ZSWIM6: variants seen among roughly 807,000 people sequenced by gnomAD.
The protein encoded by ZSWIM6 is zinc finger SWIM-type containing 6.
Under a neutral mutation model 113.2 loss-of-function variants are expected in ZSWIM6, and 9 were observed. The ratio of observed to expected loss-of-function variants is 0.08; its 90% confidence interval spans 0.05 to 0.14. The LOEUF is 0.14. Among genes scored for constraint, ZSWIM6 ranks in the 10% least tolerant of loss-of-function variants. ZSWIM6 has a pLI of 1.00. For synonymous variants in ZSWIM6, 611 were observed against 606.5 expected, an observed-to-expected ratio of 1.01 and a Z score of -0.11; for missense variants, 1,162 against 1,552.2, an observed-to-expected ratio of 0.75 and a Z score of 4.22.
chr5:61,454,759 T>G (rs1404709412), intron 1 of ZSWIM6, among the ~76,000 whole-genome samples: 1 of 152,016 alleles, frequency 6.6e-6, no homozygotes, highest in African/African-American at 2.4e-5. Flanking sequence ...TTTTTTTGTA[T>G]TTTTAGTAGA....
intron 1 of ZSWIM6, among the ~76,000 whole-genome samples, chr5:61,380,939 A>AG (rs1162138817): frequency 6.7e-6 from 1 of 149,434 alleles, no homozygotes; most frequent in Non-Finnish European, 1.5e-5. Context: ...TTTCTAGTAC[A>AG]GAAAAAAAAA....
In ZSWIM6 at chr5:61,538,101, G is replaced by C. The variant is rs545097719; in HGVS notation, c.2382-713G>C. Among the ~76,000 whole-genome samples, 12 of 152,152 alleles carry C rather than the reference G, an allele frequency of 7.9e-5. 1 individual carries two copies. In the South Asian group the frequency reaches 2.5e-3, roughly 32 times the overall value. ...ACCACACCCAACTGATTTATATTTTGTAGAAACAGGGTTTCGCCATGACAG... is the reference window on the plus strand; with the variant it reads ...ACCACACCCAACTGATTTATATTTTCTAGAAACAGGGTTTCGCCATGACAG... On this transcript the variant is annotated intron_variant, in intron 10 of 13. Coordinates refer to ENST00000252744, the MANE Select transcript of ZSWIM6 (RefSeq NM_020928.2).
At chr5:61,336,479 C>T (rs371382714) in intron 1 of ZSWIM6, among the ~76,000 whole-genome samples, 1 of 152,086 alleles carries the variant, frequency 6.6e-6, no homozygotes, top group Non-Finnish European at 1.5e-5. Context: ...TCAAAAGGGC[C>T]GGGCGCAGTG....
chr5:61,341,267 C>T (rs572493876), intron 1 of ZSWIM6, among the ~76,000 whole-genome samples: 1 of 152,200 alleles, frequency 6.6e-6, no homozygotes, highest in East Asian at 1.9e-4. Context: ...AGGGTGGGTT[C>T]CTGCCTTTCT....
intron 1 of ZSWIM6, among the ~76,000 whole-genome samples, chr5:61,456,425 T>C (rs998205809): frequency 4.6e-5 from 7 of 152,046 alleles, no homozygotes; most frequent in African/African-American, 1.4e-4. Flanking sequence ...CTTGTCCTCC[T>C]AATAGACCGG....
chr5:61,487,458 C>A lies in ZSWIM6; in HGVS notation c.1034-3328C>A, dbSNP rs114719484. ...AATGTCAATATTTGGATAAAGATTG[C>A]GTTGAATCTGTAGATTGCTTTGGGC... is the stretch of plus-strand genomic sequence containing the variant. On this transcript the variant is annotated intron_variant, in intron 2 of 13. Transcript: ENST00000252744. Among the ~76,000 whole-genome samples the A allele has an allele frequency of 1.9e-3, 284 of 151,984 alleles. 1 individual carries two copies. Among genetic ancestry groups the A allele is most frequent in the African/African-American group, 5.9e-3 (243 of 41,482 alleles).
chr5:61,494,492 G>A, intron 4 of ZSWIM6, 82 bp downstream of exon 4: 1 of 1,507,684 alleles, frequency 6.6e-7, no homozygotes, highest in East Asian at 2.5e-5. Flanking sequence ...CATGGTCGTA[G>A]TATTGCTGAA....
chr5:61,425,010 G>T (rs983093438), intron 1 of ZSWIM6, among the ~76,000 whole-genome samples: 1 of 152,002 alleles, frequency 6.6e-6, no homozygotes, highest in East Asian at 1.9e-4. Flanking sequence ...GAGCCACTGC[G>T]CCCGGCACTA....
chr5:61,465,663 T>G (rs966199899), intron 1 of ZSWIM6, among the ~76,000 whole-genome samples: 12 of 152,322 alleles, frequency 7.9e-5, no homozygotes, highest in Admixed American at 3.3e-4. Context: ...CTGGGAACTC[T>G]TAGTTGGGCC....
At chr5:61,356,073 T>C (rs1744901115) in intron 1 of ZSWIM6, among the ~76,000 whole-genome samples, 1 of 152,182 alleles carries the variant, frequency 6.6e-6, no homozygotes. Context: ...TCTTAAACCT[T>C]AGTTTCAAAA....
intron 1 of ZSWIM6, among the ~76,000 whole-genome samples, chr5:61,396,527 C>T (rs1745840933): frequency 8.1e-6 from 1 of 123,464 alleles, no homozygotes; most frequent in Admixed American, 8.7e-5. Flanking sequence ...GAGACTCTGT[C>T]TCAAAAAAAA....
rs769308131 is a variant in ZSWIM6 at position 61,543,773 on chromosome 5, G to T, written c.3104G>T (p.Arg1035Leu). Residue 1035 changes from arginine to leucine, a missense_variant, in exon 14 of 14, where the codon CGG (arginine) becomes CTG (leucine). Arg to Leu is a moderately radical substitution (Grantham distance 102, BLOSUM62 -2). Around this residue, in one of 4 missense-constraint regions of ZSWIM6, gnomAD observed 620 missense variants for 804.6 expected, o/e 0.77. Coordinates refer to ENST00000252744, the MANE Select transcript of ZSWIM6 (RefSeq NM_020928.2). This position sits in a 1 kb window ranked among gnomAD's most constrained non-coding sequence, Gnocchi z 4.3. The part of the protein sequence containing the change: ...MSYTQLFTIA[R>L]YMEHRGYPMR... The stretch of plus-strand genomic sequence containing the variant: ...TATACACAGCTCTTTACAATAGCAC[G>T]GTACATGGAGCACCGCGGGTACCCC... The T allele has an allele frequency of 6.4e-7, 1 of 1,551,772 alleles. No individual in the cohort carries two copies. The highest frequency in any genetic ancestry group is 8.7e-7 in the Non-Finnish European group (1 of 1,147,016).
intron 1 of ZSWIM6, among the ~76,000 whole-genome samples, chr5:61,344,550 G>T (rs1744616283): frequency 6.6e-6 from 1 of 152,152 alleles, no homozygotes; most frequent in Non-Finnish European, 1.5e-5. Context: ...GGTGAGGGAA[G>T]GGAGGAGAAA....
intron 4 of ZSWIM6, among the ~76,000 whole-genome samples, chr5:61,507,880 A>C (rs960382393): frequency 6.6e-6 from 1 of 152,206 alleles, no homozygotes; most frequent in African/African-American, 2.4e-5. Flanking sequence ...AATATCATTT[A>C]TTTTGGAATT....
chr5:61,389,238 T>C lies in ZSWIM6; in HGVS notation c.676+56290T>C, dbSNP rs556490354. Among the ~76,000 whole-genome samples the C allele has an allele frequency of 2.6e-5, 4 of 152,194 alleles. No homozygotes were observed. In the South Asian group the frequency reaches 8.3e-4, roughly 32 times the overall value. ...TTTGTATCCTGAAGTACAAATATAC[T>C]GTACTTTTCTTGATGCTTTAAGAAT... On this transcript the variant is annotated intron_variant, in intron 1 of 13. Transcript: ENST00000252744.
intron 1 of ZSWIM6, among the ~76,000 whole-genome samples, chr5:61,385,380 C>G (rs954983796): frequency 6.6e-6 from 1 of 152,110 alleles, no homozygotes; most frequent in African/African-American, 2.4e-5. Flanking sequence ...TTATAGATGA[C>G]CATAGTTGAA....
At chr5:61,424,258 A>G (rs1317420545) in intron 1 of ZSWIM6, among the ~76,000 whole-genome samples, 2 of 152,240 alleles carry the variant, frequency 1.3e-5, no homozygotes, top group East Asian at 3.8e-4. Context: ...AGGCTAGGTA[A>G]CTATTTACCA....
At chr5:61,419,779 G>T (rs1332675044) in intron 1 of ZSWIM6, among the ~76,000 whole-genome samples, 1 of 152,198 alleles carries the variant, frequency 6.6e-6, no homozygotes, top group East Asian at 1.9e-4. Flanking sequence ...TCAGGACAAT[G>T]GTAGTTTGTG....
At chr5:61,524,914 G>T (rs987433587) in intron 5 of ZSWIM6, among the ~76,000 whole-genome samples, 1 of 152,246 alleles carries the variant, frequency 6.6e-6, no homozygotes, top group Non-Finnish European at 1.5e-5. Flanking sequence ...AGGGGTGGGT[G>T]TGCAGGTAGA....
Sources: allele counts gnomAD v4.1 joint callset (sites outside exome capture counted in the v4.1 genomes callset), GRCh38; gene constraint gnomAD v4.1.1; regional missense constraint gnomAD v4.1.1; non-coding constraint Gnocchi (gnomAD v3.1); transcripts MANE v1.5; gene names NCBI Gene and HGNC (gene_info 2026-07-23, HGNC 2026-07-21).